Variants in CSMD1 observed in about 807,000 individuals in gnomAD.
CSMD1 encodes CUB and Sushi multiple domains 1.
In CSMD1, 213 loss-of-function variants were observed where a neutral mutation model predicts 417.5. The ratio of observed to expected loss-of-function variants is 0.51; its 90% CI spans 0.46 to 0.57. CSMD1 has a LOEUF of 0.57. Among genes scored for constraint, CSMD1 ranks in the 20% least tolerant of loss-of-function variants. The pLI is 0.00. For missense variants in CSMD1, 6,923 were observed against 4,529.7 expected (o/e 1.53, Z -15.17); for synonymous variants, 2,862 against 1,736.8 (o/e 1.65, Z -16.11).
chr8:3,204,475 C>T (rs1418721209), intron 31 of CSMD1, among the ~76,000 whole-genome samples: 1 of 151,776 alleles, frequency 6.6e-6, no homozygotes, highest in African/African-American at 2.4e-5. Context: ...GAATTTGGTC[C>T]AACTTAAAAT....
At chr8:4,528,856 G>A (rs1225194225) in intron 2 of CSMD1, among the ~76,000 whole-genome samples, 1 of 151,960 alleles carries the variant, frequency 6.6e-6, no homozygotes, top group Admixed American at 6.6e-5. Flanking sequence ...AGTGTCCTAA[G>A]AAAAGGTATA....
At chr8:4,766,933 A>G (rs1419694696) in intron 1 of CSMD1, among the ~76,000 whole-genome samples, 1 of 152,226 alleles carries the variant, frequency 6.6e-6, no homozygotes, top group Non-Finnish European at 1.5e-5. Context: ...AAAAATATGT[A>G]CAGAGACACT....
rs183259536 is a variant in CSMD1, at chr8:3,501,573, G to A, written c.1345-7847C>T. Reference sequence around the variant, plus strand: ...CTGTAGGTTTGAAATTAATGGGTTAGAAATGACAACTCAGAACACACTGGA... The same window carrying A: ...CTGTAGGTTTGAAATTAATGGGTTAAAAATGACAACTCAGAACACACTGGA... On this transcript the variant is annotated intron_variant, in intron 10 of 69. Coordinates refer to ENST00000635120, the MANE Select transcript of CSMD1 (RefSeq NM_033225.6). Among the ~76,000 whole-genome samples the A allele has an allele frequency of 5.9e-3, 895 of 152,252 alleles. 11 individuals carry two copies. Among genetic ancestry groups the A allele is most frequent in the African/African-American group, 0.021 (857 of 41,546 alleles).
chr8:2,946,997 G>A (rs1219790872), intron 68 of CSMD1, among the ~76,000 whole-genome samples: 1 of 152,012 alleles, frequency 6.6e-6, no homozygotes, highest in Non-Finnish European at 1.5e-5. Context: ...TCTTTTCATG[G>A]GCTTATCGCC....
At chr8:4,418,521 G>C in intron 3 of CSMD1, among the ~76,000 whole-genome samples, 1 of 151,912 alleles carries the variant, frequency 6.6e-6, no homozygotes, top group Admixed American at 6.6e-5. Context: ...CAGGAGGGGA[G>C]AAAAAAATGC....
chr8:4,785,512 A>T (rs1341729693), intron 1 of CSMD1, among the ~76,000 whole-genome samples: 1 of 152,150 alleles, frequency 6.6e-6, no homozygotes, highest in East Asian at 1.9e-4. Context: ...TGATTACCCT[A>T]GACAGCACCA....
intron 11 of CSMD1, among the ~76,000 whole-genome samples, chr8:3,483,650 C>G (rs561640789): frequency 6.6e-6 from 1 of 151,980 alleles, no homozygotes; most frequent in African/African-American, 2.4e-5. Context: ...TAGTATTCAA[C>G]TGATACCAAA....
At chr8:4,489,388 C>T (rs1801583293) in intron 2 of CSMD1, among the ~76,000 whole-genome samples, 1 of 152,156 alleles carries the variant, frequency 6.6e-6, no homozygotes, top group South Asian at 2.1e-4. Flanking sequence ...CACATGCAAT[C>T]CCCACCAAAA....
chr8:3,832,677 C>T (rs1186150854), intron 5 of CSMD1, among the ~76,000 whole-genome samples: 1 of 152,112 alleles, frequency 6.6e-6, no homozygotes, highest in African/African-American at 2.4e-5. Flanking sequence ...GGACCGTGGA[C>T]ACTATAGATT....
chr8:4,586,485 T>A (rs1048948926), intron 2 of CSMD1, among the ~76,000 whole-genome samples: 7 of 152,218 alleles, frequency 4.6e-5, no homozygotes, highest in African/African-American at 1.7e-4. Context: ...ATGATAAAAA[T>A]CACACCTAGT....
intron 5 of CSMD1, among the ~76,000 whole-genome samples, chr8:3,856,996 A>C (rs1410192699): frequency 6.6e-6 from 1 of 152,158 alleles, no homozygotes; most frequent in African/African-American, 2.4e-5. Context: ...TTGCACAGAG[A>C]AATTTTTGTA....
intron 3 of CSMD1, among the ~76,000 whole-genome samples, chr8:4,399,402 C>G (rs915020833): frequency 6.6e-6 from 1 of 152,124 alleles, no homozygotes; most frequent in Non-Finnish European, 1.5e-5. Context: ...TAGGCAAGGG[C>G]TAAAGAGGTT....
intron 3 of CSMD1, among the ~76,000 whole-genome samples, chr8:4,384,099 C>G (rs970142073): frequency 3.9e-5 from 6 of 152,110 alleles, no homozygotes; most frequent in Admixed American, 3.9e-4. Context: ...TCCTGTCACA[C>G]CTAAAGCATC....
At chr8:3,862,380 C>T (rs1804776749) in intron 5 of CSMD1, among the ~76,000 whole-genome samples, 1 of 143,984 alleles carries the variant, frequency 6.9e-6, no homozygotes. Context: ...TGATGTGGCC[C>T]TTTCATTTTC....
chr8:4,200,961 A>G (rs1441515530), intron 3 of CSMD1, among the ~76,000 whole-genome samples: 1 of 152,162 alleles, frequency 6.6e-6, no homozygotes, highest in Non-Finnish European at 1.5e-5. Flanking sequence ...AAATGTCAGA[A>G]AGTTGTCTTA....
At chr8:3,118,252 A>C in intron 42 of CSMD1, 147 bp downstream of exon 42, 1 of 633,208 alleles carries the variant, frequency 1.6e-6, no homozygotes, top group Admixed American at 3.2e-5. Context: ...TTCCTTAAAT[A>C]CTAAGTGGAG....
At chr8:4,870,884 C>A (rs575104013) in intron 1 of CSMD1, among the ~76,000 whole-genome samples, 4 of 152,142 alleles carry the variant, frequency 2.6e-5, no homozygotes, top group South Asian at 2.1e-4. Context: ...GATTGTGTCA[C>A]CTGGCCCTTT....
rs77614310 is a variant in CSMD1 at position 3,419,546 on chromosome 8, G to C, written c.1562-9941C>G. Among the ~76,000 whole-genome samples, 1,447 of 152,222 alleles carry C rather than the reference G, an allele frequency of 9.5e-3. 21 individuals are homozygous for C. The highest frequency in any genetic ancestry group is 0.033 in the African/African-American group (1,365 of 41,518). On this transcript the variant is annotated intron_variant, in intron 12 of 69. Coordinates refer to ENST00000635120, the MANE Select transcript of CSMD1 (RefSeq NM_033225.6). The stretch of plus-strand genomic sequence containing the variant: ...TGCCTGTCAGGAGGAGGATATTCAA[G>C]TAACCCTCAGCTAACTAGGAAATTC...
chr8:4,621,549 A>G (rs1278050749), intron 2 of CSMD1, among the ~76,000 whole-genome samples: 1 of 152,120 alleles, frequency 6.6e-6, no homozygotes, highest in Non-Finnish European at 1.5e-5. Context: ...TATACATTGA[A>G]TTTTTTATTT....
Sources: gnomAD v4.1 joint callset for allele counts (sites outside exome capture counted in the v4.1 genomes callset) on GRCh38, gnomAD v4.1.1 for gene constraint, MANE v1.5 for transcripts, NCBI Gene and HGNC (gene_info 2026-07-23, HGNC 2026-07-21) for gene names.